PSME4: variants seen among roughly 807,000 people sequenced by gnomAD.
The protein encoded by PSME4 is proteasome activator subunit 4.
PSME4 carries 89 observed loss-of-function variants against 253.9 expected under a neutral mutation model. That is an observed-to-expected ratio of 0.35 (90% CI 0.30 to 0.42). The LOEUF is 0.42. Among genes scored for constraint, PSME4 ranks in the 10% least tolerant of loss-of-function variants. The pLI, the probability that PSME4 is intolerant of heterozygous loss-of-function variation, is 1.00. For synonymous variants in PSME4, 851 were observed against 759.2 expected (o/e 1.12, Z -1.99); for missense variants, 2,014 against 2,195.2 (o/e 0.92, Z 1.65).
In PSME4 at chr2:53,910,963, CTTA is replaced by C. The variant is rs1474837988; in HGVS notation, c.2517-836_2517-834del. 3.9e-5 allele frequency among the ~76,000 whole-genome samples: 6 copies of C among 152,132 alleles called. 1 individual carries two copies. The highest frequency in any genetic ancestry group is 3.3e-4 in the Admixed American group (5 of 15,276). On this transcript the variant is annotated intron_variant, in intron 20 of 46. Transcript: ENST00000404125. The stretch of plus-strand genomic sequence containing the variant: ...ATATACAGAGTTAATAAACAGCAAT[CTTA>C]TTATTATTACTAATCACCAATGAAC...
intron 41 of PSME4, among the ~76,000 whole-genome samples, chr2:53,876,688 A>G (rs1388176068): frequency 6.7e-6 from 1 of 148,800 alleles, no homozygotes. Context: ...GAATTCCAAC[A>G]AATCTGATGG....
chr2:53,896,437 G>A (rs560448257), intron 32 of PSME4, among the ~76,000 whole-genome samples: 5 of 152,202 alleles, frequency 3.3e-5, no homozygotes, highest in African/African-American at 1.2e-4. Context: ...TTTTTCTTCT[G>A]AAAAATTCTG....
At position 53,970,635 on chromosome 2, in the gene PSME4, C is replaced by G; in HGVS notation, c.150G>C (p.Leu50Phe). 6.5e-7 allele frequency: 1 copy of G among 1,550,162 alleles called. No homozygotes were observed. Among genetic ancestry groups the G allele is most frequent in the Non-Finnish European group, 8.7e-7 (1 of 1,146,946 alleles). ...GGTTGCATTTGATCTGGGCCAGCTGCAAGTCGGACTCGGCGTCTAGCCGCT... is the reference window on the plus strand; with the variant it reads ...GGTTGCATTTGATCTGGGCCAGCTGGAAGTCGGACTCGGCGTCTAGCCGCT... ...YAERLDAESD[L>F]QLAQIKCNLG... The change falls in exon 1 of 47, where the codon TTG becomes TTC. Residue 50 changes from leucine to phenylalanine, a missense_variant. Around this residue, in one of 4 missense-constraint regions of PSME4, gnomAD observed 615 missense variants for 594.4 expected, o/e 1.03. Transcript: ENST00000404125.
At chr2:53,881,146 T>C (rs1284838890) in intron 41 of PSME4, among the ~76,000 whole-genome samples, 1 of 152,196 alleles carries the variant, frequency 6.6e-6, no homozygotes, top group Non-Finnish European at 1.5e-5. Flanking sequence ...TGTTAACCAG[T>C]AGAAAATGCT....
intron 41 of PSME4, among the ~76,000 whole-genome samples, chr2:53,878,696 T>G (rs1367278093): frequency 6.6e-6 from 1 of 152,244 alleles, no homozygotes; most frequent in Non-Finnish European, 1.5e-5. Flanking sequence ...TCTCCCGTAG[T>G]GCTCCCAGGC....
At chr2:53,901,231 A>G in intron 28 of PSME4, 119 bp downstream of exon 28, 1 of 935,334 alleles carries the variant, frequency 1.1e-6, no homozygotes, top group African/African-American at 1.7e-5. Flanking sequence ...CTTTTTTAAA[A>G]AAACACTGGA....
At chr2:53,922,634 A>T (rs1668378481) in intron 16 of PSME4, 50 bp from the exon 17 acceptor site, 1 of 1,566,718 alleles carries the variant, frequency 6.4e-7, no homozygotes, top group Non-Finnish European at 8.6e-7. Context: ...CATTCAACTA[A>T]ATATAGCATT....
Position 53,866,838 on chromosome 2 carries a change from C to G in PSME4, c.5306G>C (p.Cys1769Ser). Residue 1769 changes from cysteine to serine, a missense_variant, in exon 45 of 47, where the codon TGT becomes TCT. This residue lies in a region of PSME4 where 403 missense variants were observed against 556.1 expected (regional missense o/e 0.72). Transcript: ENST00000404125. Reference sequence around the variant, plus strand: ...AACATCGTAAGGACTAGAAAGAACACATGCACCAAGTCCTAGCACCCCAGC... The same window carrying G: ...AACATCGTAAGGACTAGAAAGAACAGATGCACCAAGTCCTAGCACCCCAGC... Reference protein sequence around the residue: ...RHAGVLGLGACVLSSPYDVPT... With the variant: ...RHAGVLGLGASVLSSPYDVPT... 1 of 1,614,096 alleles carries G rather than the reference C, an allele frequency of 6.2e-7. No homozygotes were observed.
At position 53,906,959 on chromosome 2, in the gene PSME4, A is replaced by G. The variant is rs147788478; in HGVS notation, c.2785-91T>C. Reference sequence around the variant, plus strand: ...CTAAATACCTTAATAAGTGGTCAAAAAGGTCCCTGGTTGACTGGTGAGTGG... The same window carrying G: ...CTAAATACCTTAATAAGTGGTCAAAGAGGTCCCTGGTTGACTGGTGAGTGG... On this transcript the variant is annotated intron_variant, in intron 24 of 46. Transcript: ENST00000404125. The G allele has an allele frequency of 2.1e-4, 241 of 1,168,374 alleles. 2 individuals carry two copies. In the African/African-American group the frequency reaches 2.4e-3, roughly 12 times the overall value. 72.4% of individuals were successfully genotyped at this position (1,168,374 alleles called of 1,614,324 possible).
intron 37 of PSME4, among the ~76,000 whole-genome samples, chr2:53,889,371 T>C (rs558795983): frequency 6.6e-6 from 1 of 152,112 alleles, no homozygotes; most frequent in Non-Finnish European, 1.5e-5. Context: ...TAATACCTAA[T>C]ACAATGTAAA....
At chr2:53,959,134 T>C (rs1280927852) in intron 1 of PSME4, among the ~76,000 whole-genome samples, 1 of 152,190 alleles carries the variant, frequency 6.6e-6, no homozygotes, top group East Asian at 1.9e-4. Flanking sequence ...CTGGGCAACA[T>C]GGCAAAACCC....
chr2:53,904,879 CG>C lies in PSME4; in HGVS notation c.2944-724del, dbSNP rs548892355. 6.8e-3 allele frequency among the ~76,000 whole-genome samples: 1,023 copies of C among 151,242 alleles called. 18 individuals carry two copies. The highest frequency in any genetic ancestry group is 0.024 in the African/African-American group (972 of 41,290). On this transcript the variant is annotated intron_variant, in intron 26 of 46. Coordinates refer to ENST00000404125, the MANE Select transcript of PSME4 (RefSeq NM_014614.3). ...GGTGCGTGCCTGTAGTCCCAGCTAC[CG>C]GGGAGGCTGAGGCAGGAGAATTGCT...
intron 3 of PSME4, among the ~76,000 whole-genome samples, chr2:53,940,917 A>AATAT (rs58243220): frequency 2.1e-3 from 148 of 69,022 alleles, no homozygotes; most frequent in Non-Finnish European, 3.3e-3. Context: ...TACATATTTA[A>AATAT]ATATATATAT....
At chr2:53,877,369 C>T (rs951960969) in intron 41 of PSME4, among the ~76,000 whole-genome samples, 1 of 151,164 alleles carries the variant, frequency 6.6e-6, no homozygotes, top group Admixed American at 6.6e-5. Flanking sequence ...GCTATGATCA[C>T]AGCACTGCAC....
At chr2:53,920,524 C>G (rs911564119) in intron 18 of PSME4, among the ~76,000 whole-genome samples, 174 bp from the exon 19 acceptor site, 10 of 152,148 alleles carry the variant, frequency 6.6e-5, no homozygotes, top group Non-Finnish European at 1.2e-4. Flanking sequence ...ACTGCCTCTT[C>G]GTTATCACTC....
At chr2:53,921,361 C>G (rs901645849) in intron 17 of PSME4, among the ~76,000 whole-genome samples, 27 of 151,732 alleles carry the variant, frequency 1.8e-4, no homozygotes, top group Admixed American at 9.8e-4. Flanking sequence ...ATTCTCCTGC[C>G]TCAGCCTCCC....
At position 53,934,695 on chromosome 2, in the gene PSME4, G is replaced by C. The variant is rs774703506; in HGVS notation, c.867C>G (p.Leu289=). The stretch of plus-strand genomic sequence containing the variant: ...CTAACACTTGACTGCTTCCCACTGG[G>C]AGGTTCAAGCTTCTCAGAATTCTTG... ...IFTRILRSLN[L]PVGSSQVLVP... is the part of the protein sequence containing the mutation. Residue 289 remains leucine (L), a synonymous_variant, in exon 8 of 47, where the codon CTC becomes CTG. Transcript: ENST00000404125. 196 of 1,601,832 alleles carry C rather than the reference G, an allele frequency of 1.2e-4. No homozygotes were observed. Among genetic ancestry groups the C allele is most frequent in the Non-Finnish European group, 1.6e-4 (187 of 1,169,444 alleles).
intron 43 of PSME4, among the ~76,000 whole-genome samples, chr2:53,871,601 C>G (rs1678880192): frequency 6.6e-6 from 1 of 152,190 alleles, no homozygotes; most frequent in South Asian, 2.1e-4. Context: ...GTAGTCAGAT[C>G]TGTGCATGTT....
intron 27 of PSME4, 67 bp from the exon 28 acceptor site, chr2:53,901,626 G>T: frequency 7.7e-7 from 1 of 1,298,818 alleles, no homozygotes; most frequent in Non-Finnish European, 1.1e-6. Context: ...TGTAGCCAAT[G>T]CACCTATGTA....
Sources: gnomAD v4.1 joint callset for allele counts (sites outside exome capture counted in the v4.1 genomes callset) on GRCh38, gnomAD v4.1.1 for gene constraint, gnomAD v4.1.1 regional missense constraint, MANE v1.5 for transcripts, NCBI Gene and HGNC (gene_info 2026-07-23, HGNC 2026-07-21) for gene names.